Variants in SLC2A10 observed in about 807,000 individuals in gnomAD.
SLC2A10 encodes the protein solute carrier family 2 member 10, also known as solute carrier family 2, facilitated glucose transporter member 10.
A neutral mutation model predicts 32.1 loss-of-function variants in SLC2A10; 25 were observed. The ratio of observed to expected loss-of-function variants is 0.78; its 90% CI spans 0.57 to 1.09. SLC2A10 has a LOEUF of 1.09. Ranked by LOEUF, SLC2A10 falls within the 50% of genes least tolerant of loss-of-function variation. SLC2A10 has a pLI of 0.00. For missense variants in SLC2A10, 673 were observed against 686.5 expected (o/e 0.98, Z 0.22); for synonymous variants, 332 against 309.6 (o/e 1.07, Z -0.76).
At chr20:46,727,022 T>C in intron 3 of SLC2A10, 36 bp downstream of exon 3, 1 of 1,614,144 alleles carries the variant, frequency 6.2e-7, no homozygotes, top group Non-Finnish European at 8.5e-7. Context: ...TTTTTTTCTG[T>C]GGCCCAAGCT....
intron 1 of SLC2A10, among the ~76,000 whole-genome samples, chr20:46,720,097 G>C (rs1344938522): frequency 1.3e-5 from 2 of 152,194 alleles, no homozygotes; most frequent in African/African-American, 4.8e-5. Flanking sequence ...AAGCAAACAA[G>C]GTGGGTATTA....
Position 46,725,202 on chromosome 20 carries a change from C to T in SLC2A10, c.166C>T (p.Leu56=). The change falls in exon 2 of 5, where the codon CTG becomes TTG. Residue 56 remains leucine (L), a synonymous_variant. Coordinates refer to ENST00000359271, the MANE Select transcript of SLC2A10 (RefSeq NM_030777.4). ...EQEFLVGSLL[L]GALLASLVGG... ...GGAGTTCCTGGTGGGCAGCCTGCTC[C>T]TGGGGGCTCTCCTCGCCTCCCTGGT... The T allele has an allele frequency of 6.2e-7, 1 of 1,614,130 alleles. No homozygotes were observed. Among genetic ancestry groups the T allele is most frequent in the Non-Finnish European group, 8.5e-7 (1 of 1,180,002 alleles).
intron 4 of SLC2A10, among the ~76,000 whole-genome samples, chr20:46,731,423 G>T (rs1197140145): frequency 6.6e-6 from 1 of 152,212 alleles, no homozygotes; most frequent in African/African-American, 2.4e-5. Flanking sequence ...AAAATCGAGG[G>T]TTCTGTTACT....
intron 1 of SLC2A10, among the ~76,000 whole-genome samples, chr20:46,723,981 T>G (rs1272481543): frequency 2.6e-5 from 4 of 152,244 alleles, no homozygotes; most frequent in African/African-American, 4.8e-5. Flanking sequence ...TTAATATCCA[T>G]AGTTGTTCAA....
intron 4 of SLC2A10, 105 bp downstream of exon 4, chr20:46,729,593 C>T: frequency 8.8e-7 from 1 of 1,136,768 alleles, no homozygotes; most frequent in Admixed American, 1.8e-5. Flanking sequence ...GCGGGCATTC[C>T]TCCTGTCTTC....
chr20:46,730,327 C>T (rs1980227178), intron 4 of SLC2A10, among the ~76,000 whole-genome samples: 1 of 152,098 alleles, frequency 6.6e-6, no homozygotes, highest in Non-Finnish European at 1.5e-5. Flanking sequence ...CCAACAAATG[C>T]ATAAACAAGA....
At chr20:46,726,794 T>A in intron 2 of SLC2A10, 70 bp from the exon 3 acceptor site, 1 of 1,604,906 alleles carries the variant, frequency 6.2e-7, no homozygotes, top group Non-Finnish European at 8.5e-7. Context: ...AGAGGCTGCA[T>A]GTTTGACCTG....
chr20:46,725,843 C>G lies in SLC2A10; in HGVS notation c.807C>G (p.Ala269=). ...TTGGTTTCCATGGGGGATCCTCAGC[C>G]GTGCTGGCCTCTGTGGGGCTTGGCG... The part of the protein sequence containing the change: ...SSVGFHGGSS[A]VLASVGLGAV... Residue 269 remains alanine, a synonymous_variant, in exon 2 of 5, where the codon GCC becomes GCG. Transcript: ENST00000359271. The G allele has an allele frequency of 6.2e-7, 1 of 1,614,236 alleles. No homozygotes were observed. Among genetic ancestry groups the G allele is most frequent in the Non-Finnish European group, 8.5e-7 (1 of 1,180,034 alleles).
intron 4 of SLC2A10, 94 bp downstream of exon 4, chr20:46,729,582 A>C: frequency 7.2e-7 from 1 of 1,395,958 alleles, no homozygotes; most frequent in African/African-American, 1.5e-5. Context: ...TCCTTTTGCA[A>C]GCGGGCATTC....
chr20:46,725,727 C>T lies in SLC2A10; in HGVS notation c.691C>T (p.Arg231Trp), dbSNP rs146579504. 3.1e-5 allele frequency: 50 copies of T among 1,614,050 alleles called. No homozygotes were observed. The highest frequency in any genetic ancestry group is 6.7e-5 in the East Asian group (3 of 44,890). ...LFRARDNMRG[R>W]TTVGLGLVLF... is the part of the protein sequence containing the mutation. ...CAGGGCACGCGATAACATGCGAGGC[C>T]GGACCACAGTGGGCCTGGGGCTGGT... The change falls in exon 2 of 5, where the codon CGG becomes TGG. Residue 231 changes from arginine (R) to tryptophan (W), a missense_variant. Arg to Trp is a moderately radical substitution (Grantham distance 101). Coordinates refer to ENST00000359271, the MANE Select transcript of SLC2A10 (RefSeq NM_030777.4).
At chr20:46,724,486 A>C (rs1252551968) in intron 1 of SLC2A10, among the ~76,000 whole-genome samples, 1 of 152,174 alleles carries the variant, frequency 6.6e-6, no homozygotes, top group Admixed American at 6.5e-5. Context: ...ATGCAGATGG[A>C]TGAATATTTG....
intron 1 of SLC2A10, among the ~76,000 whole-genome samples, chr20:46,724,822 T>TGGAC (rs1979766906): frequency 6.9e-6 from 1 of 144,752 alleles, no homozygotes; most frequent in Non-Finnish European, 1.5e-5. Flanking sequence ...GATGGATGGA[T>TGGAC]GGATGGATGG....
rs6012024 is a variant in SLC2A10 at position 46,729,743 on chromosome 20, G to A, written c.1547+255G>A. Among the ~76,000 whole-genome samples the A allele has an allele frequency of 0.014, 1,938 of 140,728 alleles. 34 individuals are homozygous for A. The highest frequency in any genetic ancestry group is 0.046 in the African/African-American group (1,735 of 37,540). 92.3% of individuals were successfully genotyped at this position (140,728 alleles called of 152,430 possible). A position where few individuals can be genotyped will look rare whatever the true frequency, so the allele number is the denominator to read the frequency against. On this transcript the variant is annotated intron_variant, in intron 4 of 4. Coordinates refer to ENST00000359271, the MANE Select transcript of SLC2A10 (RefSeq NM_030777.4). ...TGCAAGCTCCGCCTCCCGGGTTCAC[G>A]CCATTCTCCTGCCTCAGCCTCTCCG...
At position 46,729,504 on chromosome 20, in the gene SLC2A10, G is replaced by A. The variant is rs765696201; in HGVS notation, c.1547+16G>A. On this transcript the variant is annotated intron_variant, in intron 4 of 4. Transcript: ENST00000359271. ...AGAAGAGACGGTAGGAAGCTGACAG[G>A]GTGGGTCTGGGGGAAGAGCTGTAGC... 2.3e-5 allele frequency: 37 copies of A among 1,613,948 alleles called. No individual in the cohort carries two copies. The African/African-American group carries it at 3.9e-4, about 17-fold the overall frequency.
chr20:46,728,312 T>G (rs1489919613), intron 3 of SLC2A10, among the ~76,000 whole-genome samples: 3 of 152,196 alleles, frequency 2.0e-5, no homozygotes, highest in Admixed American at 1.3e-4. Flanking sequence ...TGGACGTGGC[T>G]GTCAGAGGTG....
rs754120063 is a variant in SLC2A10 at position 46,725,290 on chromosome 20, T to G, written c.254T>G (p.Leu85Arg). ...GCCATCCTCGGGAGCAACTTGGTGC[T>G]GCTGGCAGGCAGCCTGACCCTGGGC... ...KQAILGSNLV[L>R]LAGSLTLGLA... The change falls in exon 2 of 5, where the codon CTG (leucine) becomes CGG (arginine). Residue 85 changes from leucine to arginine, a missense_variant. Leu to Arg is a moderately radical substitution (Grantham distance 102). Transcript: ENST00000359271. 1.2e-6 allele frequency: 2 copies of G among 1,614,202 alleles called. No individual in the cohort carries two copies. The highest frequency in any genetic ancestry group is 1.1e-5 in the South Asian group (1 of 91,084).
chr20:46,717,100 G>A (rs923615444), intron 1 of SLC2A10, among the ~76,000 whole-genome samples: 1 of 152,186 alleles, frequency 6.6e-6, no homozygotes, highest in Non-Finnish European at 1.5e-5. Context: ...GTTGGCTAGT[G>A]ACTATCATAT....
intron 1 of SLC2A10, among the ~76,000 whole-genome samples, chr20:46,722,311 C>T (rs1445790249): frequency 1.3e-5 from 2 of 152,164 alleles, no homozygotes; most frequent in Non-Finnish European, 2.9e-5. Context: ...GCTGACAAAT[C>T]CAGTCTTGCA....
In SLC2A10 at chr20:46,733,820, T is replaced by C; in HGVS notation, c.1612T>C (p.Ser538Pro). The C allele has an allele frequency of 2.5e-6, 4 of 1,614,148 alleles. No homozygotes were observed. The highest frequency in any genetic ancestry group is 3.4e-6 in the Non-Finnish European group (4 of 1,180,000). Residue 538 changes from serine (S) to proline (P), a missense_variant, in exon 5 of 5, where the codon TCT (serine) becomes CCT (proline). Transcript: ENST00000359271. Reference sequence around the variant, plus strand: ...CATCCCGTACAGCCGCATCGAGATCTCTGCGGCCTCCTGAGGAATCCGTCT... The same window carrying C: ...CATCCCGTACAGCCGCATCGAGATCCCTGCGGCCTCCTGAGGAATCCGTCT... Reference protein sequence around the residue: ...TGIPYSRIEISAAS With the variant: ...TGIPYSRIEIPAAS
Sources: gnomAD v4.1 joint callset for allele counts (sites outside exome capture counted in the v4.1 genomes callset) on GRCh38, gnomAD v4.1.1 for gene constraint, MANE v1.5 for transcripts, NCBI Gene and HGNC (gene_info 2026-07-23, HGNC 2026-07-21) for gene names.